PTPRG: variants seen among roughly 807,000 people sequenced by gnomAD.
The protein encoded by PTPRG is protein tyrosine phosphatase receptor type G.
PTPRG carries 102 observed loss-of-function variants against 165.3 expected under a neutral mutation model. That is an observed-to-expected ratio of 0.62 (90% CI 0.53 to 0.73). PTPRG has a LOEUF of 0.73. Among genes scored for constraint, PTPRG ranks in the 30% least tolerant of loss-of-function variants. The pLI, the probability that PTPRG is intolerant of heterozygous loss-of-function variation, is 0.00. For synonymous variants in PTPRG, 675 were observed against 669.5 expected, an observed-to-expected ratio of 1.01 and a Z score of -0.13; for missense variants, 1,866 against 1,861.4, an observed-to-expected ratio of 1.00 and a Z score of -0.05.
rs747274632 is a variant in PTPRG at position 62,254,859 on chromosome 3, G to A, written c.2468-265G>A. 2.7e-4 allele frequency among the ~76,000 whole-genome samples: 41 copies of A among 151,986 alleles called. No homozygotes were observed. The highest frequency in any genetic ancestry group is 5.0e-4 in the Non-Finnish European group (34 of 68,000). On this transcript the variant is annotated intron_variant, in intron 15 of 29. Coordinates refer to ENST00000474889, the MANE Select transcript of PTPRG (RefSeq NM_002841.4). The surrounding 1 kb of genome is among the most constrained non-coding windows in gnomAD (Gnocchi z 4.6). ...ATGGTAATTTAACTATGTAAATTGC[G>A]TTGAATATAAAAATAAGGGGAATTC...
chr3:61,623,067 A>G (rs1701506453), intron 1 of PTPRG, among the ~76,000 whole-genome samples: 1 of 152,226 alleles, frequency 6.6e-6, no homozygotes, highest in Non-Finnish European at 1.5e-5. Context: ...TCAAGCTGAT[A>G]TCACAGGGTT....
intron 1 of PTPRG, among the ~76,000 whole-genome samples, chr3:61,724,077 C>T (rs971903517): frequency 7.2e-5 from 11 of 151,994 alleles, no homozygotes; most frequent in Admixed American, 3.3e-4. Context: ...ACTAAAAATA[C>T]GAAAATTAGC....
intron 7 of PTPRG, among the ~76,000 whole-genome samples, chr3:62,166,106 TG>T (rs1169694811): frequency 6.6e-6 from 1 of 151,472 alleles, no homozygotes; most frequent in African/African-American, 2.4e-5. Flanking sequence ...AGGATCCAGA[TG>T]GGCCAGAAAC....
intron 15 of PTPRG, among the ~76,000 whole-genome samples, chr3:62,247,345 A>T (rs1009201066): frequency 2.6e-5 from 4 of 152,112 alleles, no homozygotes; most frequent in African/African-American, 4.8e-5. Flanking sequence ...ATATCTCAAG[A>T]CTTCAGACTC....
intron 4 of PTPRG, among the ~76,000 whole-genome samples, chr3:62,056,583 T>C (rs1199117165): frequency 2.0e-5 from 3 of 152,206 alleles, no homozygotes; most frequent in Non-Finnish European, 4.4e-5. Context: ...GCCTTTGTTA[T>C]GTCATGTGCA....
Position 62,195,255 on chromosome 3 carries a change from G to A in PTPRG, c.1327+85G>A. On this transcript the variant is annotated intron_variant, in intron 10 of 29. Transcript: ENST00000474889. The surrounding 1 kb of genome is among the most constrained non-coding windows in gnomAD (Gnocchi z 4.4). ...CTGCTTCTTCCTGCTCAGGTGCTGG[G>A]GAAAAATACAAACAAGCCTGGCAGA... is the stretch of plus-strand genomic sequence containing the variant. 8.2e-7 allele frequency: 1 copy of A among 1,225,396 alleles called. No homozygotes were observed. The highest frequency in any genetic ancestry group is 1.2e-6 in the Non-Finnish European group (1 of 833,198). 75.9% of individuals were successfully genotyped at this position (1,225,396 alleles called of 1,614,324 possible).
intron 5 of PTPRG, among the ~76,000 whole-genome samples, chr3:62,081,284 A>AC (rs1701569849): frequency 6.6e-6 from 1 of 151,602 alleles, no homozygotes; most frequent in African/African-American, 2.4e-5. Flanking sequence ...AAACAAACAA[A>AC]CAAACAAACA....
At chr3:61,599,495 CTTTG>C (rs1367956093) in intron 1 of PTPRG, among the ~76,000 whole-genome samples, 8 of 151,998 alleles carry the variant, frequency 5.3e-5, no homozygotes, top group South Asian at 2.1e-4. Flanking sequence ...ATTCTTTTTT[CTTTG>C]TTTGTTAGTT....
intron 6 of PTPRG, among the ~76,000 whole-genome samples, chr3:62,137,861 A>T (rs2106941509): frequency 6.6e-6 from 1 of 152,342 alleles, no homozygotes; most frequent in Admixed American, 6.5e-5. Context: ...TTTTTGCTCA[A>T]CTCATGAGGC....
At position 62,115,334 on chromosome 3, in the gene PTPRG, T is replaced by G. The variant is rs543631059; in HGVS notation, c.616-17268T>G. Among the ~76,000 whole-genome samples the G allele has an allele frequency of 2.6e-5, 4 of 152,268 alleles. No homozygotes were observed. The South Asian group carries it at 8.3e-4, about 32-fold the overall frequency. ...ATGAAAAAAACCCCTTTCCCTTGGG[T>G]GATTTAAAGAGTGTTTATCTTTGGT... On this transcript the variant is annotated intron_variant, in intron 5 of 29. Transcript: ENST00000474889.
intron 2 of PTPRG, among the ~76,000 whole-genome samples, chr3:61,987,129 A>G (rs1321411703): frequency 6.6e-6 from 1 of 152,184 alleles, no homozygotes; most frequent in Non-Finnish European, 1.5e-5. Flanking sequence ...GCTTGGAAAA[A>G]GTGTTCTATT....
intron 2 of PTPRG, among the ~76,000 whole-genome samples, chr3:61,983,332 A>T (rs1412061220): frequency 1.3e-5 from 2 of 152,146 alleles, no homozygotes; most frequent in Non-Finnish European, 2.9e-5. Flanking sequence ...TATAATAGGT[A>T]AAAATGATAC....
At chr3:62,164,901 T>C (rs1438802105) in intron 7 of PTPRG, among the ~76,000 whole-genome samples, 1 of 152,204 alleles carries the variant, frequency 6.6e-6, no homozygotes, top group Non-Finnish European at 1.5e-5. Flanking sequence ...AGGCCATTCT[T>C]TTCTGGCATC....
rs1701450719 is a variant in PTPRG at position 62,252,750 on chromosome 3, AAAG to A, written c.2468-2371_2468-2369del. Among the ~76,000 whole-genome samples, 1 of 152,220 alleles carries A rather than the reference AAAG, an allele frequency of 6.6e-6. No homozygotes were observed. The highest frequency in any genetic ancestry group is 2.4e-5 in the African/African-American group (1 of 41,460). The stretch of plus-strand genomic sequence containing the variant: ...CATAGCCTTATATTCATCTCAGTAT[AAAG>A]AAAAGAGATTTATGACTCCTCAGCT... On this transcript the variant is annotated intron_variant, in intron 15 of 29. Coordinates refer to ENST00000474889, the MANE Select transcript of PTPRG (RefSeq NM_002841.4). The surrounding 1 kb of genome is among the most constrained non-coding windows in gnomAD (Gnocchi z 4.6).
At chr3:62,088,886 G>A (rs1701838617) in intron 5 of PTPRG, among the ~76,000 whole-genome samples, 1 of 152,186 alleles carries the variant, frequency 6.6e-6, no homozygotes, top group Admixed American at 6.5e-5. Flanking sequence ...GCTTATTTTA[G>A]AGGGTTACTG....
intron 1 of PTPRG, among the ~76,000 whole-genome samples, chr3:61,743,438 C>CATTATT (rs2033080793): frequency 6.6e-6 from 1 of 152,122 alleles, no homozygotes. Flanking sequence ...AAACCCATTT[C>CATTATT]ATTATTACAC....
At chr3:61,718,509 T>G (rs1355151738) in intron 1 of PTPRG, among the ~76,000 whole-genome samples, 1 of 152,172 alleles carries the variant, frequency 6.6e-6, no homozygotes, top group African/African-American at 2.4e-5. Flanking sequence ...GACCATCCGT[T>G]AGTTTTAAAA....
Position 62,267,336 on chromosome 3 carries a change from G to GTGT in PTPRG, c.2657-70_2657-68dup, listed in dbSNP as rs1701911651. 6 of 1,136,688 alleles carry GTGT rather than the reference G, an allele frequency of 5.3e-6. No individual in the cohort carries two copies. The South Asian group carries it at 8.4e-5, about 16-fold the overall frequency. 70.4% of individuals were successfully genotyped at this position (1,136,688 alleles called of 1,614,324 possible). A position where few individuals can be genotyped will look rare whatever the true frequency, so the allele number is the denominator to read the frequency against. ...AGATGTCATGTTACCTGATTGCCTT[G>GTGT]TGTTGTGCTTTAGAATGGTGCTAGT... On this transcript the variant is annotated intron_variant, in intron 17 of 29. Coordinates refer to ENST00000474889, the MANE Select transcript of PTPRG (RefSeq NM_002841.4).
intron 1 of PTPRG, among the ~76,000 whole-genome samples, chr3:61,586,818 C>G (rs1028536668): frequency 6.6e-6 from 1 of 152,232 alleles, no homozygotes; most frequent in African/African-American, 2.4e-5. Context: ...CATCATCAGA[C>G]AGACTGGGCT....
Sources: allele counts gnomAD v4.1 joint callset (sites outside exome capture counted in the v4.1 genomes callset), GRCh38; gene constraint gnomAD v4.1.1; non-coding constraint Gnocchi (gnomAD v3.1); transcripts MANE v1.5; gene names NCBI Gene and HGNC (gene_info 2026-07-23, HGNC 2026-07-21).